LRTM3: variants seen among roughly 807,000 people sequenced by gnomAD.
LRTM3 encodes leucine rich repeat transmembrane protein 3, also known as leucine-rich repeat transmembrane protein 3.
chr13:102,757,695 C>T, the LRTM3 span, among the ~76,000 whole-genome samples: 4 of 152,186 alleles, frequency 2.6e-5, no homozygotes, highest in African/African-American at 7.2e-5. Flanking sequence ...TAACATTCTT[C>T]GTGAAGCCAT....
chr13:102,732,011 A>T, the LRTM3 span: 4 of 1,551,000 alleles, frequency 2.6e-6, no homozygotes, highest in Non-Finnish European at 3.5e-6. Flanking sequence ...TTCACTTCTG[A>T]GGTTTGCTTC....
chr13:102,748,732 A>T, the LRTM3 span: 7 of 1,549,872 alleles, frequency 4.5e-6, no homozygotes, highest in Non-Finnish European at 5.2e-6. Flanking sequence ...TTGAGTCTTT[A>T]AGAGATTCTT....
the LRTM3 span, chr13:102,747,960 C>T: frequency 6.4e-7 from 1 of 1,551,202 alleles, no homozygotes; most frequent in Non-Finnish European, 8.7e-7. Context: ...GCCTCTTTCT[C>T]CTGTTCCTTT....
the LRTM3 span, chr13:102,741,128 T>G: frequency 6.5e-7 from 1 of 1,549,122 alleles, no homozygotes; most frequent in South Asian, 1.2e-5. Flanking sequence ...TTCCAGAATA[T>G]TCTCTTTATT....
At chr13:102,745,050 A>C in the LRTM3 span, 1 of 1,550,848 alleles carries the variant, frequency 6.4e-7, no homozygotes. Context: ...GTCTGGAGGC[A>C]TTTCTTTGTC....
the LRTM3 span, chr13:102,742,666 A>G: frequency 1.9e-6 from 3 of 1,550,572 alleles, no homozygotes; most frequent in African/African-American, 4.1e-5. Context: ...CTGCAGTATC[A>G]GGTGATTGTG....
the LRTM3 span, chr13:102,740,835 C>T: frequency 7.1e-6 from 11 of 1,549,668 alleles, no homozygotes; most frequent in Middle Eastern, 3.3e-4. Flanking sequence ...GCCTTTAATG[C>T]TTTCTTTACC....
chr13:102,732,063 C>A, the LRTM3 span: 1 of 1,551,360 alleles, frequency 6.4e-7, no homozygotes, highest in Non-Finnish European at 8.7e-7. Context: ...TGTTTGTCCA[C>A]TGCAAAGGGC....
chr13:102,738,591 T>C, the LRTM3 span: 4 of 1,550,404 alleles, frequency 2.6e-6, no homozygotes, highest in Non-Finnish European at 3.5e-6. Context: ...TTTTGCAATA[T>C]AGATTCTAGG....
At chr13:102,745,974 T>A in the LRTM3 span, 1 of 1,551,166 alleles carries the variant, frequency 6.4e-7, no homozygotes, top group Non-Finnish European at 8.7e-7. Context: ...TGATATGCAT[T>A]GAGTATTAAG....
chr13:102,748,961 T>G, the LRTM3 span: 3 of 1,550,680 alleles, frequency 1.9e-6, no homozygotes, highest in African/African-American at 1.4e-5. Flanking sequence ...TGACTTATTT[T>G]GCTTCTGCAG....
chr13:102,735,730 A>T, the LRTM3 span: 5 of 1,549,734 alleles, frequency 3.2e-6, no homozygotes, highest in Non-Finnish European at 3.5e-6. Flanking sequence ...GTGACTCAGT[A>T]TATGCTTTTT....
chr13:102,748,766 A>G, the LRTM3 span: 6 of 1,550,172 alleles, frequency 3.9e-6, no homozygotes, highest in African/African-American at 6.8e-5. Context: ...TGTTTCTACT[A>G]GTAAACAAGG....
the LRTM3 span, chr13:102,741,696 G>C: frequency 2.6e-6 from 4 of 1,550,340 alleles, no homozygotes; most frequent in Non-Finnish European, 3.5e-6. Flanking sequence ...AATATATTCT[G>C]TCCTTTTGAG....
the LRTM3 span, chr13:102,737,379 G>A: frequency 6.4e-7 from 1 of 1,550,656 alleles, no homozygotes; most frequent in African/African-American, 1.4e-5. Flanking sequence ...TAACAAGTTA[G>A]AGAAGACTCA....
At chr13:102,746,612 G>A in the LRTM3 span, 6 of 1,551,072 alleles carry the variant, frequency 3.9e-6, no homozygotes, top group South Asian at 1.2e-5. Flanking sequence ...TTTGGGCTTC[G>A]CTGTACTTGT....
the LRTM3 span, chr13:102,744,519 T>A: frequency 6.4e-7 from 1 of 1,550,646 alleles, no homozygotes; most frequent in South Asian, 1.2e-5. Flanking sequence ...CTTTGTTTCA[T>A]CATGTATCCA....
chr13:102,758,921 T>C, the LRTM3 span: 1 of 1,520,010 alleles, frequency 6.6e-7, no homozygotes, highest in Non-Finnish European at 8.9e-7. Context: ...AGGAATAATA[T>C]TGCTTTGACA....
chr13:102,744,818 T>A, the LRTM3 span: 655 of 1,550,838 alleles, frequency 4.2e-4, 9 homozygotes, highest in South Asian at 7.4e-3. Context: ...CTTCTGTGCC[T>A]CCCCACCATG....
Sources: gnomAD v4.1 joint callset for allele counts (sites outside exome capture counted in the v4.1 genomes callset) on GRCh38, gnomAD v4.1.1 for gene constraint, MANE v1.5 for transcripts, NCBI Gene and HGNC (gene_info 2026-07-23, HGNC 2026-07-21) for gene names.